The following PI4KA variants were observed in gnomAD, a reference collection of about 807,000 sequenced individuals.
The protein encoded by PI4KA is phosphatidylinositol 4-kinase alpha.
PI4KA carries 122 observed loss-of-function variants against 271.4 expected under a neutral mutation model. That is an observed-to-expected ratio of 0.45 (90% CI 0.39 to 0.52). PI4KA has a LOEUF of 0.52. Ranked by LOEUF, PI4KA falls within the 20% of genes least tolerant of loss-of-function variation. The pLI is 0.00. For synonymous variants in PI4KA, 1,041 were observed against 1,078.8 expected (o/e 0.96, Z 0.69); for missense variants, 1,969 against 2,769.1 (o/e 0.71, Z 6.48).
chr22:20,769,968 A>G (rs907422354), intron 19 of PI4KA, among the ~76,000 whole-genome samples: 4 of 152,188 alleles, frequency 2.6e-5, no homozygotes, highest in Non-Finnish European at 5.9e-5. Flanking sequence ...TTAAGTGGAT[A>G]TGGAAAAATA....
At chr22:20,757,392 A>G (rs1378160715) in intron 23 of PI4KA, among the ~76,000 whole-genome samples, 2 of 152,224 alleles carry the variant, frequency 1.3e-5, no homozygotes, top group Non-Finnish European at 2.9e-5. Context: ...AGGAGGAACA[A>G]TCAGTCCCCC....
intron 19 of PI4KA, chr22:20,786,175 C>A (rs1293056952): frequency 6.2e-7 from 1 of 1,613,046 alleles, no homozygotes; most frequent in African/African-American, 1.3e-5. Flanking sequence ...CCACCCCCGA[C>A]CCGTCCCCAG....
intron 32 of PI4KA, among the ~76,000 whole-genome samples, chr22:20,741,598 G>A (rs778547699): frequency 2.3e-4 from 35 of 152,088 alleles, no homozygotes; most frequent in Non-Finnish European, 4.0e-4. Context: ...CCACCAGCCC[G>A]GAACATTTTA....
chr22:20,750,032 T>G lies in PI4KA; in HGVS notation c.3154-38A>C, dbSNP rs1568986771. On this transcript the variant is annotated intron_variant, in intron 27 of 54. Transcript: ENST00000255882. Reference sequence around the variant, plus strand: ...GAAGCTGCTTCTCAACAACCCGAGGTCAGTTCATCTGAGCTGCCGTAGTGA... The same window carrying G: ...GAAGCTGCTTCTCAACAACCCGAGGGCAGTTCATCTGAGCTGCCGTAGTGA... The G allele has an allele frequency of 6.6e-6, 9 of 1,370,770 alleles. No individual in the cohort carries two copies. The Middle Eastern group carries it at 5.7e-4, about 87-fold the overall frequency. The allele number at this position is 1,370,770 out of a possible 1,614,324, so 84.9% of individuals were successfully genotyped here. A position where few individuals can be genotyped will look rare whatever the true frequency, so the allele number is the denominator to read the frequency against.
intron 19 of PI4KA, among the ~76,000 whole-genome samples, chr22:20,770,607 C>A (rs1468365389): frequency 6.7e-6 from 1 of 149,270 alleles, no homozygotes; most frequent in African/African-American, 2.5e-5. Context: ...CACACACACA[C>A]ACACACACAC....
chr22:20,790,736 ACACACAAC>A (rs1934586843), intron 19 of PI4KA, among the ~76,000 whole-genome samples: 1 of 150,440 alleles, frequency 6.6e-6, no homozygotes, highest in African/African-American at 2.4e-5. Context: ...ACACACACAC[ACACACAAC>A]AAAAAAAACC....
chr22:20,788,502 C>T (rs1301309038), intron 19 of PI4KA, among the ~76,000 whole-genome samples: 1 of 152,214 alleles, frequency 6.6e-6, no homozygotes, highest in African/African-American at 2.4e-5. Flanking sequence ...TTTCAGCTCA[C>T]AGAAGGGAAG....
At chr22:20,833,141 G>C (rs1299809994) in intron 3 of PI4KA, among the ~76,000 whole-genome samples, 1 of 152,128 alleles carries the variant, frequency 6.6e-6, no homozygotes. Context: ...ATTTCTGACA[G>C]ATTTTTGGGG....
intron 8 of PI4KA, among the ~76,000 whole-genome samples, 161 bp downstream of exon 8, chr22:20,813,197 G>C (rs1409037850): frequency 6.6e-6 from 1 of 152,184 alleles, no homozygotes; most frequent in Non-Finnish European, 1.5e-5. Flanking sequence ...ATGATTCCAT[G>C]AATGTTACTC....
At position 20,765,586 on chromosome 22, in the gene PI4KA, T is replaced by C; in HGVS notation, c.2436A>G (p.Ser812=). 2.5e-6 allele frequency: 4 copies of C among 1,584,748 alleles called. No homozygotes were observed. The highest frequency in any genetic ancestry group is 3.5e-6 in the Non-Finnish European group (4 of 1,154,256). Residue 812 remains serine (S), a splice_region_variant and synonymous_variant, in exon 20 of 55, where the codon TCA becomes TCG. Transcript: ENST00000255882. ...CTGGGAGAGAGATGATCCCCCTACC[T>C]GAGCCCTCCACAGCGAATCCCATCA... is the stretch of plus-strand genomic sequence containing the variant. ...SVLMGFAVEG[S]GLWPEEWYEG...
chr22:20,797,999 C>T (rs575594598), intron 17 of PI4KA, among the ~76,000 whole-genome samples: 54 of 152,280 alleles, frequency 3.5e-4, no homozygotes, highest in African/African-American at 1.3e-3. Context: ...AGCCAAGAAG[C>T]ATCTCTCAAT....
At chr22:20,739,632 G>A (rs1024803) in intron 32 of PI4KA, among the ~76,000 whole-genome samples, 1 of 71,778 alleles carries the variant, frequency 1.4e-5, no homozygotes, top group East Asian at 6.1e-4. Flanking sequence ...ACTGACCCAA[G>A]ATGACTCAAA....
rs540627680 is a variant in PI4KA at position 20,776,825 on chromosome 22, C to T, written c.2329-11132G>A. ...CAGCGTGTCAGGCATCCAACAGAGG[C>T]CATTATCAACATTAACCACACTGAC... is the stretch of plus-strand genomic sequence containing the variant. On this transcript the variant is annotated intron_variant, in intron 19 of 54. Transcript: ENST00000255882. 9.2e-5 allele frequency among the ~76,000 whole-genome samples: 14 copies of T among 152,236 alleles called. No individual in the cohort carries two copies. In the South Asian group the frequency reaches 2.9e-3, roughly 32 times the overall value.
intron 3 of PI4KA, among the ~76,000 whole-genome samples, chr22:20,832,465 T>C (rs1924307306): frequency 6.6e-6 from 1 of 151,588 alleles, no homozygotes; most frequent in Admixed American, 6.6e-5. Flanking sequence ...TTGGTTGTTT[T>C]CTTTTTGAGA....
Position 20,742,735 on chromosome 22 carries a change from G to C in PI4KA, c.3486C>G (p.Thr1162=), listed in dbSNP as rs1275141288. 1 of 1,613,894 alleles carries C rather than the reference G, an allele frequency of 6.2e-7. No homozygotes were observed. The highest frequency in any genetic ancestry group is 1.1e-5 in the South Asian group (1 of 91,078). ...EVYGMIRFSG[T]TGQMSDLNKM... The stretch of plus-strand genomic sequence containing the variant: ...TGTTCAGGTCAGACATCTGGCCTGT[G>C]GTGCCTGAGAACCGAATCATTCCAT... Residue 1162 remains threonine, a synonymous_variant, in exon 31 of 55, where the codon ACC becomes ACG. Transcript: ENST00000255882.
intron 23 of PI4KA, among the ~76,000 whole-genome samples, chr22:20,757,380 T>C (rs1931422850): frequency 6.6e-6 from 1 of 152,156 alleles, no homozygotes; most frequent in African/African-American, 2.4e-5. Context: ...TGAATTAAGG[T>C]GAGGAGGAAC....
At chr22:20,710,056 G>A (rs1925047932) in intron 52 of PI4KA, 59 bp from the exon 53 acceptor site, 3 of 981,638 alleles carry the variant, frequency 3.1e-6, no homozygotes, top group Admixed American at 1.7e-5. Context: ...GGCCCTGCCT[G>A]TAGTCCTGTG....
chr22:20,821,758 A>AT (rs1477586522), intron 4 of PI4KA, among the ~76,000 whole-genome samples: 1 of 151,780 alleles, frequency 6.6e-6, no homozygotes, highest in Non-Finnish European at 1.5e-5. Context: ...CGCCTGGCTA[A>AT]TTTTTTATTT....
intron 3 of PI4KA, among the ~76,000 whole-genome samples, chr22:20,825,910 T>C (rs775691944): frequency 1.2e-4 from 19 of 152,186 alleles, no homozygotes; most frequent in Non-Finnish European, 2.2e-4. Context: ...TAGGCCCCAG[T>C]GTCTGCTGTT....
Sources: gnomAD v4.1 joint callset for allele counts (sites outside exome capture counted in the v4.1 genomes callset) on GRCh38, gnomAD v4.1.1 for gene constraint, MANE v1.5 for transcripts, NCBI Gene and HGNC (gene_info 2026-07-23, HGNC 2026-07-21) for gene names.